The following SARNP variants were observed in gnomAD, a reference collection of about 807,000 sequenced individuals.
The protein encoded by SARNP is SAP domain-containing ribonucleoprotein.
Under a neutral mutation model 38.1 loss-of-function variants are expected in SARNP, and 5 were observed. The ratio of observed to expected loss-of-function variants is 0.13; its 90% CI spans 0.07 to 0.28. The LOEUF is 0.28. SARNP is among the 10% of genes least tolerant of loss of function. SARNP has a pLI of 1.00. For synonymous variants in SARNP, 84 were observed against 80.6 expected, an observed-to-expected ratio of 1.04 and a Z score of -0.23; for missense variants, 180 against 243.9, an observed-to-expected ratio of 0.74 and a Z score of 1.75.
intron 9 of SARNP, among the ~76,000 whole-genome samples, chr12:55,775,528 CAAAAAAA>C (rs1170184393): frequency 3.7e-5 from 2 of 53,490 alleles, no homozygotes; most frequent in Non-Finnish European, 7.6e-5. Context: ...CGCTCTGTCT[CAAAAAAA>C]AAAAAACAAA....
chr12:55,765,265 G>A (rs542721610), intron 9 of SARNP, among the ~76,000 whole-genome samples: 3 of 152,270 alleles, frequency 2.0e-5, no homozygotes, highest in African/African-American at 7.2e-5. Flanking sequence ...TGGAATGTGC[G>A]GGCCAGTTTT....
chr12:55,812,814 AT>A (rs1223942630), intron 1 of SARNP, among the ~76,000 whole-genome samples: 1 of 152,394 alleles, frequency 6.6e-6, no homozygotes, highest in East Asian at 1.9e-4. Flanking sequence ...ACAAATCGTT[AT>A]TGAGCACCTA....
chr12:55,789,816 C>A (rs34436691), intron 8 of SARNP, among the ~76,000 whole-genome samples: 1 of 151,740 alleles, frequency 6.6e-6, no homozygotes, highest in Non-Finnish European at 1.5e-5. Context: ...TGGTGGCGGG[C>A]ACCTGTAATC....
intron 9 of SARNP, among the ~76,000 whole-genome samples, chr12:55,783,109 TAAAA>T (rs1186058394): frequency 2.0e-5 from 3 of 151,810 alleles, no homozygotes; most frequent in Non-Finnish European, 4.4e-5. Context: ...GACCCTGTCT[TAAAA>T]AAATAATAAA....
intron 6 of SARNP, 57 bp downstream of exon 6, chr12:55,794,750 C>T: frequency 2.0e-6 from 2 of 1,007,000 alleles, no homozygotes; most frequent in Non-Finnish European, 3.1e-6. Context: ...GCTAGGATCA[C>T]ACATCTTCAT....
In SARNP at chr12:55,798,751, G is replaced by T. The variant is rs760653935; in HGVS notation, c.251+1811C>A. On this transcript the variant is annotated intron_variant, in intron 4 of 10. Transcript: ENST00000336133. ...ACTATTAAATGCTAGAAAGAACAAG[G>T]TTCTAAGTTGATAACTAGTAAATCT... Among the ~76,000 whole-genome samples the T allele has an allele frequency of 2.6e-5, 4 of 152,186 alleles. No homozygotes were observed. The South Asian group carries it at 8.3e-4, about 32-fold the overall frequency.
At chr12:55,761,049 C>T (rs1240969019) in intron 9 of SARNP, among the ~76,000 whole-genome samples, 2 of 151,768 alleles carry the variant, frequency 1.3e-5, no homozygotes, top group Non-Finnish European at 2.9e-5. Context: ...TGGTGGCGGG[C>T]GCCTGTAATC....
At chr12:55,767,879 C>T (rs1592557699) in intron 9 of SARNP, among the ~76,000 whole-genome samples, 1 of 136,818 alleles carries the variant, frequency 7.3e-6, no homozygotes, top group Admixed American at 7.3e-5. Flanking sequence ...AAAGGATATA[C>T]ACACACACAC....
rs192385594 is a variant in SARNP at position 55,803,136 on chromosome 12, A to G, written c.136+493T>C. On this transcript the variant is annotated intron_variant, in intron 2 of 10. Transcript: ENST00000336133. ...AAAGTGAAATGAGGAATAGAAATAA[A>G]AGGGAATACGTAAATAAAAATTAGA... Among the ~76,000 whole-genome samples the G allele has an allele frequency of 3.3e-3, 495 of 152,180 alleles. 2 individuals are homozygous for G. Among genetic ancestry groups the G allele is most frequent in the Non-Finnish European group, 5.2e-3 (353 of 68,002 alleles).
chr12:55,754,964 T>A (rs1011850637), downstream of SARNP: 6 of 152,130 alleles, frequency 3.9e-5, no homozygotes, highest in Non-Finnish European at 5.9e-5. Flanking sequence ...GGGAAAGAGA[T>A]AACAAGAAAG....
chr12:55,794,952 A>G, intron 5 of SARNP, 72 bp from the exon 6 acceptor site: 1 of 287,172 alleles, frequency 3.5e-6, no homozygotes, highest in Non-Finnish European at 6.6e-6. Context: ...AGAGGTAGGT[A>G]TCTTTAAAAA....
At chr12:55,794,116 A>G (rs976350985) in intron 7 of SARNP, 4 of 496,180 alleles carry the variant, frequency 8.1e-6, no homozygotes, top group African/African-American at 7.9e-5. Context: ...ACTTCTTTGA[A>G]GATGTTCAAG....
At chr12:55,801,205 G>A (rs1879969285) in intron 2 of SARNP, among the ~76,000 whole-genome samples, 1 of 152,228 alleles carries the variant, frequency 6.6e-6, no homozygotes, top group African/African-American at 2.4e-5. Flanking sequence ...CTGGGAGGCA[G>A]AGGCAGGTGG....
At chr12:55,815,232 A>G (rs868051) in intron 1 of SARNP, among the ~76,000 whole-genome samples, 12,327 of 151,674 alleles carry the variant, frequency 0.081, 689 homozygotes, top group African/African-American at 0.15. Context: ...TAATTTTTTA[A>G]TTTTTTTTGT....
At chr12:55,815,748 G>GCCA (rs1880463454) in intron 1 of SARNP, 1 of 152,222 alleles carries the variant, frequency 6.6e-6, no homozygotes, top group Non-Finnish European at 1.5e-5. Context: ...ACAGACGTGA[G>GCCA]CCACCACGCC....
chr12:55,803,599 C>CA, intron 2 of SARNP, 30 bp downstream of exon 2: 1 of 1,372,594 alleles, frequency 7.3e-7, no homozygotes, highest in Non-Finnish European at 1.0e-6. Flanking sequence ...TCCCCTCACT[C>CA]ACATCACTCC....
At chr12:55,802,374 A>G (rs1034306875) in intron 2 of SARNP, among the ~76,000 whole-genome samples, 9 of 152,132 alleles carry the variant, frequency 5.9e-5, no homozygotes, top group African/African-American at 2.2e-4. Flanking sequence ...ATAGTATACT[A>G]TATCCTACAG....
At chr12:55,794,993 T>C in intron 5 of SARNP, 113 bp from the exon 6 acceptor site, 1 of 591,056 alleles carries the variant, frequency 1.7e-6, no homozygotes, top group Non-Finnish European at 2.8e-6. Context: ...AGAGTCTCAC[T>C]CTGTCCCCCA....
chr12:55,814,687 G>A (rs954722045), intron 1 of SARNP, among the ~76,000 whole-genome samples: 1 of 152,028 alleles, frequency 6.6e-6, no homozygotes, highest in African/African-American at 2.4e-5. Context: ...CCAATAACAT[G>A]GTGAAACCCC....
Sources: gnomAD v4.1 joint callset for allele counts (sites outside exome capture counted in the v4.1 genomes callset) on GRCh38, gnomAD v4.1.1 for gene constraint, MANE v1.5 for transcripts, NCBI Gene and HGNC (gene_info 2026-07-23, HGNC 2026-07-21) for gene names.